The following TRIO variants were observed in gnomAD, a reference collection of about 807,000 sequenced individuals.
The protein encoded by TRIO is trio Rho guanine nucleotide exchange factor.
A neutral mutation model predicts 351.9 loss-of-function variants in TRIO; 58 were observed. The ratio of observed to expected loss-of-function variants is 0.16; its 90% CI spans 0.13 to 0.21. TRIO has a LOEUF of 0.21. Ranked by LOEUF, TRIO falls within the 10% of genes least tolerant of loss-of-function variation. The pLI is 1.00. For missense variants in TRIO, 3,201 were observed against 4,027.8 expected, an observed-to-expected ratio of 0.79 and a Z score of 5.56; for synonymous variants, 1,758 against 1,595.7, an observed-to-expected ratio of 1.10 and a Z score of -2.42.
At chr5:14,465,513 CCA>C in intron 36 of TRIO, 30 bp from the exon 37 acceptor site, 1 of 1,608,744 alleles carries the variant, frequency 6.2e-7, no homozygotes, top group Non-Finnish European at 8.5e-7. Flanking sequence ...AGCCCTTGCC[CCA>C]CCCCCTCCTT....
At chr5:14,373,598 T>TAAAATA (rs1745309987) in intron 18 of TRIO, among the ~76,000 whole-genome samples, 2 of 152,262 alleles carry the variant, frequency 1.3e-5, no homozygotes, top group Admixed American at 1.3e-4. Context: ...GAAACTGGTT[T>TAAAATA]GGTTTATCCT....
At chr5:14,493,493 T>C (rs555323823) in intron 49 of TRIO, among the ~76,000 whole-genome samples, 1 of 152,238 alleles carries the variant, frequency 6.6e-6, no homozygotes, top group African/African-American at 2.4e-5. Flanking sequence ...CCATTATAAT[T>C]GTTTTGAGGA....
Position 14,482,773 on chromosome 5 carries a change from GGTAACGTGT to G in TRIO, c.6657+3_6657+11del. 1 of 1,577,030 alleles carries G rather than the reference GGTAACGTGT, an allele frequency of 6.3e-7. No individual in the cohort carries two copies. The highest frequency in any genetic ancestry group is 8.6e-7 in the Non-Finnish European group (1 of 1,156,926). ...GATTCCTGTTTAAGAACAGTATCAA[GGTAACGTGT>G]GTCTCTGTGTGATTTCTCTGTGCCA... On this transcript the variant is annotated splice_donor_variant and splice_donor_5th_base_variant and intron_variant, in intron 46 of 56. Coordinates refer to ENST00000344204, the MANE Select transcript of TRIO (RefSeq NM_007118.4). LOFTEE classifies it high-confidence loss of function.
intron 1 of TRIO, among the ~76,000 whole-genome samples, chr5:14,145,091 C>T (rs868551535): frequency 5.9e-5 from 9 of 152,062 alleles, no homozygotes; most frequent in Non-Finnish European, 1.3e-4. Context: ...CTGGGGACAC[C>T]GACAGGCCGG....
chr5:14,401,260 A>T (rs1748045515), intron 31 of TRIO, among the ~76,000 whole-genome samples, 196 bp downstream of exon 31: 1 of 152,222 alleles, frequency 6.6e-6, no homozygotes, highest in African/African-American at 2.4e-5. Flanking sequence ...AAACAATTTG[A>T]GTTAAACTTT....
At chr5:14,427,719 T>C (rs761147444) in intron 34 of TRIO, among the ~76,000 whole-genome samples, 27 of 152,226 alleles carry the variant, frequency 1.8e-4, no homozygotes, top group Non-Finnish European at 3.5e-4. Flanking sequence ...GCCAGTTCTT[T>C]GGTGGGGGTC....
chr5:14,195,087 A>G (rs935664529), intron 1 of TRIO, among the ~76,000 whole-genome samples: 2 of 152,134 alleles, frequency 1.3e-5, no homozygotes, highest in African/African-American at 2.4e-5. Flanking sequence ...CATTCATTCA[A>G]TGCTGTTATC....
intron 34 of TRIO, among the ~76,000 whole-genome samples, chr5:14,437,208 A>G (rs959416984): frequency 1.3e-5 from 2 of 152,090 alleles, no homozygotes; most frequent in African/African-American, 4.8e-5. Flanking sequence ...TTTACTAATT[A>G]TGACTGTGAG....
intron 34 of TRIO, among the ~76,000 whole-genome samples, chr5:14,454,712 T>C (rs775337654): frequency 6.6e-6 from 1 of 152,230 alleles, no homozygotes; most frequent in Non-Finnish European, 1.5e-5. Flanking sequence ...TCTAAGGTCA[T>C]GGTTGGCTTC....
chr5:14,402,071 C>G (rs1482943308), intron 31 of TRIO, among the ~76,000 whole-genome samples: 1 of 152,190 alleles, frequency 6.6e-6, no homozygotes, highest in East Asian at 1.9e-4. Flanking sequence ...ATGTGATTAT[C>G]AGCCCAATGT....
In TRIO at chr5:14,391,036, A is replaced by G. The variant is rs779785027; in HGVS notation, c.4218+46A>G. Reference sequence around the variant, plus strand: ...GAGACCATAATTTTCCAAGTTGTGTACATAAAATGCGGCATTACTCATAAC... The same window carrying G: ...GAGACCATAATTTTCCAAGTTGTGTGCATAAAATGCGGCATTACTCATAAC... On this transcript the variant is annotated intron_variant, in intron 27 of 56. Coordinates refer to ENST00000344204, the MANE Select transcript of TRIO (RefSeq NM_007118.4). 2.7e-6 allele frequency: 4 copies of G among 1,476,844 alleles called. No homozygotes were observed. The South Asian group carries it at 5.1e-5, about 19-fold the overall frequency. 91.5% of individuals were successfully genotyped at this position (1,476,844 alleles called of 1,614,324 possible).
In TRIO at chr5:14,344,676, T is replaced by A. The variant is rs891575173; in HGVS notation, c.2046+7949T>A. 1.3e-5 allele frequency among the ~76,000 whole-genome samples: 2 copies of A among 152,200 alleles called. 1 individual carries two copies. Among genetic ancestry groups the A allele is most frequent in the African/African-American group, 4.8e-5 (2 of 41,454 alleles). On this transcript the variant is annotated intron_variant, in intron 11 of 56. Transcript: ENST00000344204. ...CAGACTTTAAAGTAAGGGGCAAAGA[T>A]ACAAATATCTAGGTATAATGTTGTC...
intron 1 of TRIO, among the ~76,000 whole-genome samples, chr5:14,189,158 TGTA>T (rs1040330111): frequency 1.3e-5 from 2 of 152,224 alleles, no homozygotes; most frequent in African/African-American, 4.8e-5. Flanking sequence ...TTTAAAATAT[TGTA>T]GTAGTATTGT....
At chr5:14,221,297 G>T (rs985038842) in intron 1 of TRIO, among the ~76,000 whole-genome samples, 2 of 151,664 alleles carry the variant, frequency 1.3e-5, no homozygotes, top group Non-Finnish European at 2.9e-5. Flanking sequence ...TTGTGTAGAT[G>T]TATAAGAAGA....
At chr5:14,230,551 A>G (rs1793350648) in intron 1 of TRIO, among the ~76,000 whole-genome samples, 1 of 152,130 alleles carries the variant, frequency 6.6e-6, no homozygotes, top group South Asian at 2.1e-4. Flanking sequence ...AGTGCAGAGG[A>G]ACCGCAGAGG....
intron 34 of TRIO, among the ~76,000 whole-genome samples, chr5:14,460,543 C>A (rs139654839): frequency 6.6e-6 from 1 of 152,352 alleles, no homozygotes; most frequent in African/African-American, 2.4e-5. Context: ...TAATGCACTT[C>A]TGCGACAGGA....
At chr5:14,379,611 G>A (rs1745887453) in intron 20 of TRIO, among the ~76,000 whole-genome samples, 1 of 152,124 alleles carries the variant, frequency 6.6e-6, no homozygotes, top group Non-Finnish European at 1.5e-5. Flanking sequence ...CAAGATCATC[G>A]GAGGCCTGGT....
chr5:14,288,658 T>G (rs1218527724), intron 4 of TRIO, among the ~76,000 whole-genome samples: 6 of 112,492 alleles, frequency 5.3e-5, no homozygotes, highest in African/African-American at 1.9e-4. Context: ...CAGAGCGAGA[T>G]TCCGCCTCAA....
At chr5:14,282,244 A>G (rs935169792) in intron 3 of TRIO, among the ~76,000 whole-genome samples, 4 of 152,210 alleles carry the variant, frequency 2.6e-5, no homozygotes, top group Non-Finnish European at 5.9e-5. Flanking sequence ...TATCATTTAT[A>G]AATAAAAATA....
Sources: gnomAD v4.1 joint callset for allele counts (sites outside exome capture counted in the v4.1 genomes callset) on GRCh38, gnomAD v4.1.1 for gene constraint, MANE v1.5 for transcripts, NCBI Gene and HGNC (gene_info 2026-07-23, HGNC 2026-07-21) for gene names.